PTPRM: variants seen among roughly 807,000 people sequenced by gnomAD.
PTPRM encodes the protein protein tyrosine phosphatase receptor type M, also known as receptor-type tyrosine-protein phosphatase mu.
Under a neutral mutation model 186.7 loss-of-function variants are expected in PTPRM, and 47 were observed. That is an observed-to-expected ratio of 0.25 (90% CI 0.20 to 0.32). The LOEUF is 0.32. PTPRM is among the 10% of genes least tolerant of loss of function. PTPRM has a pLI of 1.00. For missense variants in PTPRM, 1,494 were observed against 1,865.0 expected (o/e 0.80, Z 3.66); for synonymous variants, 668 against 674.9 (o/e 0.99, Z 0.16).
chr18:7,595,526 GT>G (rs1320179851), intron 1 of PTPRM, among the ~76,000 whole-genome samples: 2 of 152,294 alleles, frequency 1.3e-5, no homozygotes, highest in East Asian at 3.9e-4. Flanking sequence ...GATGAAGGTT[GT>G]TTGGTAACAT....
intron 4 of PTPRM, among the ~76,000 whole-genome samples, chr18:7,917,723 C>T (rs1172919916): frequency 6.6e-6 from 1 of 151,984 alleles, no homozygotes; most frequent in Admixed American, 6.6e-5. Flanking sequence ...TTGAAATATA[C>T]AGTAGATTTT....
intron 2 of PTPRM, among the ~76,000 whole-genome samples, chr18:7,778,772 A>C (rs1341003041): frequency 6.6e-6 from 1 of 152,136 alleles, no homozygotes; most frequent in Non-Finnish European, 1.5e-5. Context: ...GAGCCACTGC[A>C]CCCAGCCCAC....
chr18:7,888,294 A>G lies in PTPRM; in HGVS notation c.385A>G (p.Ile129Val), dbSNP rs755968596. 17 of 1,614,176 alleles carry G rather than the reference A, an allele frequency of 1.1e-5. No individual in the cohort carries two copies. In the East Asian group the frequency reaches 1.8e-4, roughly 17 times the overall value. ...CAATAACGGGCCACTGGGGAATCCT[A>G]TCTGGAATATATCTGGAGACCCAAC... is the stretch of plus-strand genomic sequence containing the variant. ...KVNNGPLGNP[I>V]WNISGDPTRT... The change falls in exon 3 of 33, where the codon ATC becomes GTC. Residue 129 changes from isoleucine (I) to valine (V), a missense_variant. Physicochemically the swap from Ile to Val is conservative, Grantham distance 29. Transcript: ENST00000580170.
At chr18:7,843,676 A>T (rs934291508) in intron 2 of PTPRM, among the ~76,000 whole-genome samples, 2 of 152,176 alleles carry the variant, frequency 1.3e-5, no homozygotes, top group African/African-American at 2.4e-5. Context: ...TTTTTGTATA[A>T]CATTAGTATT....
chr18:8,256,439 G>C (rs1477251453), intron 19 of PTPRM, among the ~76,000 whole-genome samples: 2 of 152,190 alleles, frequency 1.3e-5, no homozygotes, highest in Admixed American at 1.3e-4. Context: ...GTAGGTGCTA[G>C]AATTATATCT....
At chr18:8,339,494 G>A (rs1277251375) in intron 22 of PTPRM, among the ~76,000 whole-genome samples, 1 of 152,126 alleles carries the variant, frequency 6.6e-6, no homozygotes, top group Non-Finnish European at 1.5e-5. Flanking sequence ...AAACACATCT[G>A]TTCACACCTT....
intron 7 of PTPRM, among the ~76,000 whole-genome samples, chr18:7,976,259 T>C (rs2054931130): frequency 6.6e-6 from 1 of 152,204 alleles, no homozygotes; most frequent in South Asian, 2.1e-4. Flanking sequence ...AAGGCCAAAC[T>C]ATGGATACAG....
At chr18:8,036,469 T>C (rs1415179227) in intron 7 of PTPRM, among the ~76,000 whole-genome samples, 1 of 152,210 alleles carries the variant, frequency 6.6e-6, no homozygotes, top group Non-Finnish European at 1.5e-5. Context: ...CTACTCAGTT[T>C]CTCTAGCTAT....
At chr18:8,357,602 G>A (rs2095570384) in intron 23 of PTPRM, among the ~76,000 whole-genome samples, 1 of 152,144 alleles carries the variant, frequency 6.6e-6, no homozygotes, top group African/African-American at 2.4e-5. Context: ...ATCTATGCAT[G>A]CCCCGTTGTG....
At chr18:7,983,778 T>G (rs2082686468) in intron 7 of PTPRM, among the ~76,000 whole-genome samples, 1 of 152,188 alleles carries the variant, frequency 6.6e-6, no homozygotes, top group Non-Finnish European at 1.5e-5. Flanking sequence ...CATTATCAAG[T>G]TATCTCAGCA....
chr18:8,299,221 G>A (rs77072676), intron 20 of PTPRM, among the ~76,000 whole-genome samples: 5 of 152,120 alleles, frequency 3.3e-5, no homozygotes, highest in South Asian at 2.1e-4. Context: ...CCCGTTGCTC[G>A]TCACAGCTGG....
intron 14 of PTPRM, among the ~76,000 whole-genome samples, chr18:8,237,910 T>C (rs1280401384): frequency 6.6e-6 from 1 of 152,164 alleles, no homozygotes; most frequent in Admixed American, 6.5e-5. Flanking sequence ...AGAAGTGCAA[T>C]GTAATTCTTA....
At chr18:8,175,563 T>C (rs181339007) in intron 14 of PTPRM, among the ~76,000 whole-genome samples, 12 of 152,364 alleles carry the variant, frequency 7.9e-5, no homozygotes, top group Admixed American at 3.9e-4. Flanking sequence ...TTCCCAACTT[T>C]CAGCATTTAA....
At chr18:8,131,930 GC>G (rs2145949207) in intron 13 of PTPRM, among the ~76,000 whole-genome samples, 1 of 152,318 alleles carries the variant, frequency 6.6e-6, no homozygotes, top group East Asian at 1.9e-4. Context: ...TCTCTGATGA[GC>G]TTTTCCATTT....
intron 2 of PTPRM, among the ~76,000 whole-genome samples, chr18:7,778,806 A>G (rs1223962600): frequency 6.6e-6 from 1 of 152,188 alleles, no homozygotes; most frequent in Non-Finnish European, 1.5e-5. Context: ...CTTGAACTTT[A>G]TCATAAGGAT....
At chr18:7,659,846 G>A (rs2144369493) in intron 1 of PTPRM, among the ~76,000 whole-genome samples, 1 of 152,272 alleles carries the variant, frequency 6.6e-6, no homozygotes. Context: ...ATCTAGTGCA[G>A]AAGCCTTAGA....
At chr18:8,117,448 G>C (rs1232002456) in intron 13 of PTPRM, among the ~76,000 whole-genome samples, 1 of 152,154 alleles carries the variant, frequency 6.6e-6, no homozygotes, top group East Asian at 1.9e-4. Context: ...TTTTCACTAA[G>C]AGCTAGCTTA....
Position 7,949,386 on chromosome 18 carries a change from C to T in PTPRM, c.838+31C>T, listed in dbSNP as rs1197678856. 3 of 1,558,050 alleles carry T rather than the reference C, an allele frequency of 1.9e-6. No individual in the cohort carries two copies. The South Asian group carries it at 3.5e-5, about 18-fold the overall frequency. On this transcript the variant is annotated intron_variant, in intron 6 of 32. Coordinates refer to ENST00000580170, the MANE Select transcript of PTPRM (RefSeq NM_001105244.2). ...TAATGTGTTTTTATACCAGAATATT[C>T]TTCTAAAGTAGATATGTTAGGTGTT...
chr18:7,656,459 G>A (rs1477817853), intron 1 of PTPRM, among the ~76,000 whole-genome samples: 2 of 152,136 alleles, frequency 1.3e-5, no homozygotes, highest in Non-Finnish European at 2.9e-5. Flanking sequence ...GTTATGTAAT[G>A]GGGATGGTGT....
Sources: allele counts gnomAD v4.1 joint callset (sites outside exome capture counted in the v4.1 genomes callset), GRCh38; gene constraint gnomAD v4.1.1; transcripts MANE v1.5; gene names NCBI Gene and HGNC (gene_info 2026-07-23, HGNC 2026-07-21).